Variants in SENP7 observed in about 807,000 individuals in gnomAD.
SENP7 encodes SUMO specific peptidase 7.
A neutral mutation model predicts 141.2 loss-of-function variants in SENP7; 64 were observed. The ratio of observed to expected loss-of-function variants is 0.45; its 90% CI spans 0.37 to 0.56. The LOEUF (loss-of-function observed/expected upper bound fraction) is 0.56. Among genes scored for constraint, SENP7 ranks in the 20% least tolerant of loss-of-function variants. SENP7 has a pLI of 0.00. For missense variants in SENP7, 1,025 were observed against 1,212.2 expected (o/e 0.85, Z 2.29); for synonymous variants, 382 against 426.4 (o/e 0.90, Z 1.28).
Position 101,402,616 on chromosome 3 carries a change from C to CAAAAAAAAAAA in SENP7, c.483-3572_483-3562dup, listed in dbSNP as rs58525002. ...TGGGCGACAGAGCAAGACTCCGTCT[C>CAAAAAAAAAAA]AAAAAAAAAAAAAAAAAAATGCTAA... On this transcript the variant is annotated intron_variant, in intron 5 of 23. Transcript: ENST00000394095. 2.1e-5 allele frequency among the ~76,000 whole-genome samples: 2 copies of CAAAAAAAAAAA among 93,652 alleles called. 1 individual carries two copies. Among genetic ancestry groups the CAAAAAAAAAAA allele is most frequent in the Non-Finnish European group, 3.9e-5 (2 of 50,714 alleles). 61.4% of individuals were successfully genotyped at this position (93,652 alleles called of 152,430 possible).
At chr3:101,476,818 T>C (rs2064237335) in intron 3 of SENP7, among the ~76,000 whole-genome samples, 1 of 152,234 alleles carries the variant, frequency 6.6e-6, no homozygotes. Flanking sequence ...TGGTATCACA[T>C]TGTGGTTTTG....
intron 4 of SENP7, among the ~76,000 whole-genome samples, chr3:101,443,377 G>T (rs1321329981): frequency 6.6e-6 from 1 of 151,804 alleles, no homozygotes; most frequent in African/African-American, 2.4e-5. Flanking sequence ...TTGAAGTCAG[G>T]TAGTGTGATG....
At chr3:101,393,259 T>C (rs1447421967) in intron 6 of SENP7, among the ~76,000 whole-genome samples, 1 of 152,182 alleles carries the variant, frequency 6.6e-6, no homozygotes, top group Non-Finnish European at 1.5e-5. Flanking sequence ...GGGGAATAAC[T>C]ATATGACATT....
At chr3:101,400,049 T>C (rs967841636) in intron 5 of SENP7, among the ~76,000 whole-genome samples, 1 of 152,248 alleles carries the variant, frequency 6.6e-6, no homozygotes, top group Non-Finnish European at 1.5e-5. Context: ...ACATTTGGTA[T>C]AAAATTAGTG....
chr3:101,410,389 A>C (rs1444453438), intron 5 of SENP7, among the ~76,000 whole-genome samples: 1 of 152,198 alleles, frequency 6.6e-6, no homozygotes, highest in Non-Finnish European at 1.5e-5. Flanking sequence ...AAGAACTAAA[A>C]GTAGAACCAC....
At chr3:101,356,573 C>G (rs569151217) in intron 11 of SENP7, among the ~76,000 whole-genome samples, 4 of 152,236 alleles carry the variant, frequency 2.6e-5, no homozygotes, top group Non-Finnish European at 4.4e-5. Context: ...ACTCTGATTT[C>G]GTGTAATGTC....
chr3:101,406,578 TAA>T (rs1189812350), intron 5 of SENP7, among the ~76,000 whole-genome samples: 1 of 126,624 alleles, frequency 7.9e-6, no homozygotes. Flanking sequence ...ACTTAAAGTA[TAA>T]AAAAAAAAAA....
intron 4 of SENP7, among the ~76,000 whole-genome samples, chr3:101,442,075 G>T (rs544526047): frequency 6.6e-6 from 1 of 152,012 alleles, no homozygotes; most frequent in East Asian, 1.9e-4. Context: ...AAAACTGAAA[G>T]AAACAACTGT....
At chr3:101,357,988 A>G in intron 11 of SENP7, 1 of 627,546 alleles carries the variant, frequency 1.6e-6, no homozygotes, top group Non-Finnish European at 2.6e-6. Context: ...CACATAAGAA[A>G]ATTCTTATTG....
intron 16 of SENP7, among the ~76,000 whole-genome samples, chr3:101,338,587 A>T (rs547261955): frequency 2.0e-5 from 3 of 152,222 alleles, no homozygotes; most frequent in Non-Finnish European, 2.9e-5. Context: ...ACTGGAAAGG[A>T]AAGAGCTATA....
chr3:101,325,830 A>C lies in SENP7; in HGVS notation c.*113T>G, dbSNP rs980451623. On this transcript the variant is annotated 3_prime_UTR_variant, in exon 24 of 24. Transcript: ENST00000394095. ...ATTTTAAATAATGTTCCAATGACTT[A>C]TTATAAAACTACTGCAAGTTATTTT... The C allele has an allele frequency of 2.1e-6, 2 of 937,846 alleles. No individual in the cohort carries two copies. Among genetic ancestry groups the C allele is most frequent in the Non-Finnish European group, 3.1e-6 (2 of 647,764 alleles). 58.1% of individuals were successfully genotyped at this position (937,846 alleles called of 1,614,324 possible).
intron 5 of SENP7, among the ~76,000 whole-genome samples, chr3:101,411,114 T>A (rs1251190933): frequency 6.6e-6 from 1 of 152,172 alleles, no homozygotes; most frequent in East Asian, 1.9e-4. Context: ...CACATTGATC[T>A]TCTCATCTCT....
intron 23 of SENP7, among the ~76,000 whole-genome samples, chr3:101,326,502 C>T (rs1380622851): frequency 2.0e-5 from 3 of 152,058 alleles, no homozygotes; most frequent in Non-Finnish European, 4.4e-5. Flanking sequence ...TTCTCCAAGC[C>T]GACTTCTGGT....
At chr3:101,465,425 C>A (rs1388265593) in intron 3 of SENP7, among the ~76,000 whole-genome samples, 3 of 152,202 alleles carry the variant, frequency 2.0e-5, no homozygotes, top group Non-Finnish European at 2.9e-5. Flanking sequence ...TAGCCCACTG[C>A]CATTACTACT....
intron 3 of SENP7, among the ~76,000 whole-genome samples, chr3:101,463,241 C>T (rs945929373): frequency 6.6e-5 from 10 of 151,474 alleles, no homozygotes; most frequent in African/African-American, 2.4e-4. Context: ...CCCAGCTACT[C>T]AGAAGGCTGA....
At chr3:101,327,121 T>C (rs1046240538) in intron 23 of SENP7, among the ~76,000 whole-genome samples, 1 of 152,150 alleles carries the variant, frequency 6.6e-6, no homozygotes, top group East Asian at 1.9e-4. Flanking sequence ...ATTTTAAAGT[T>C]CTTATCTGCC....
rs143069147 is a variant in SENP7, at chr3:101,417,515, A to T, written c.482+78T>A. 33 of 1,219,650 alleles carry T rather than the reference A, an allele frequency of 2.7e-5. No individual in the cohort carries two copies. The East Asian group carries it at 7.0e-4, about 26-fold the overall frequency. 75.6% of individuals were successfully genotyped at this position (1,219,650 alleles called of 1,614,324 possible). ...AAATCTCCTTTCAGGTCATTTCAAC[A>T]ATTTTATCATTAGGAGTACGGGATT... On this transcript the variant is annotated intron_variant, in intron 5 of 23. Coordinates refer to ENST00000394095, the MANE Select transcript of SENP7 (RefSeq NM_020654.5).
chr3:101,509,697 A>G (rs2065771354), intron 1 of SENP7, among the ~76,000 whole-genome samples: 1 of 152,218 alleles, frequency 6.6e-6, no homozygotes, highest in African/African-American at 2.4e-5. Flanking sequence ...TACACTTTCA[A>G]TGCAAAGCAA....
At chr3:101,328,005 G>A (rs889496395) in intron 22 of SENP7, among the ~76,000 whole-genome samples, 189 bp from the exon 23 acceptor site, 1 of 152,166 alleles carries the variant, frequency 6.6e-6, no homozygotes, top group Non-Finnish European at 1.5e-5. Context: ...AATATGTAAT[G>A]TGATTTTCAA....
Sources: gnomAD v4.1 joint callset for allele counts (sites outside exome capture counted in the v4.1 genomes callset) on GRCh38, gnomAD v4.1.1 for gene constraint, MANE v1.5 for transcripts, NCBI Gene and HGNC (gene_info 2026-07-23, HGNC 2026-07-21) for gene names.